Variants in PCED1B observed in about 807,000 individuals in gnomAD.
PCED1B encodes PC-esterase domain-containing protein 1B.
For missense variants in PCED1B, 573 were observed against 573.9 expected (o/e 1.00, Z 0.02); for synonymous variants, 251 against 246.1 (o/e 1.02, Z -0.19).
chr12:47,082,784 A>G (rs1284239562), intron 1 of PCED1B, among the ~76,000 whole-genome samples: 1 of 152,156 alleles, frequency 6.6e-6, no homozygotes, highest in East Asian at 1.9e-4. Context: ...GATTTAGATT[A>G]AACAGAAGAG....
At chr12:47,127,294 C>T (rs1417467587) in intron 2 of PCED1B, among the ~76,000 whole-genome samples, 2 of 151,754 alleles carry the variant, frequency 1.3e-5, no homozygotes, top group Non-Finnish European at 2.9e-5. Context: ...TTCTATTACC[C>T]AGGGGATGTT....
intron 2 of PCED1B, among the ~76,000 whole-genome samples, chr12:47,141,432 GC>G (rs1940588117): frequency 6.6e-6 from 1 of 152,134 alleles, no homozygotes; most frequent in South Asian, 2.1e-4. Flanking sequence ...CTCAGCTACA[GC>G]CCCATTTGGC....
chr12:47,090,340 G>A (rs1372029649), intron 1 of PCED1B, among the ~76,000 whole-genome samples: 4 of 152,184 alleles, frequency 2.6e-5, no homozygotes, highest in African/African-American at 9.7e-5. Flanking sequence ...AGAATGTCAT[G>A]AGATGCAGGC....
At chr12:47,141,322 C>T (rs1377311844) in intron 2 of PCED1B, among the ~76,000 whole-genome samples, 1 of 152,156 alleles carries the variant, frequency 6.6e-6, no homozygotes, top group Non-Finnish European at 1.5e-5. Context: ...CAGCCTAAGA[C>T]CAAAGATGGC....
chr12:47,205,800 C>T (rs915424191), intron 2 of PCED1B: 2 of 152,042 alleles, frequency 1.3e-5, no homozygotes, highest in Admixed American at 6.6e-5. Context: ...ACCATGTAAC[C>T]GCCTAAGGGG....
At chr12:47,119,526 T>C (rs1278394299) in intron 2 of PCED1B, among the ~76,000 whole-genome samples, 1 of 151,474 alleles carries the variant, frequency 6.6e-6, no homozygotes, top group African/African-American at 2.4e-5. Context: ...TGAAACTGCA[T>C]CTCTTAAAAA....
chr12:47,223,349 G>A (rs1226482125), intron 3 of PCED1B, among the ~76,000 whole-genome samples: 1 of 152,088 alleles, frequency 6.6e-6, no homozygotes, highest in East Asian at 1.9e-4. Flanking sequence ...AACATTCCTT[G>A]GCTTTGATCC....
intron 2 of PCED1B, among the ~76,000 whole-genome samples, chr12:47,119,215 C>G (rs544114102): frequency 6.6e-6 from 1 of 152,070 alleles, no homozygotes; most frequent in Non-Finnish European, 1.5e-5. Flanking sequence ...AATATATTTA[C>G]CTCACACCAA....
At chr12:47,080,690 G>A (rs912959164) in intron 1 of PCED1B, among the ~76,000 whole-genome samples, 3 of 152,192 alleles carry the variant, frequency 2.0e-5, no homozygotes, top group African/African-American at 7.2e-5. Context: ...GCTTGGAGCC[G>A]ACCTTCCGGC....
At chr12:47,123,415 G>C (rs928600811) in intron 2 of PCED1B, among the ~76,000 whole-genome samples, 4 of 151,950 alleles carry the variant, frequency 2.6e-5, no homozygotes, top group African/African-American at 9.7e-5. Flanking sequence ...TTCAAACAAA[G>C]GTGCTTAATT....
At chr12:47,137,707 G>C (rs561006382) in intron 2 of PCED1B, among the ~76,000 whole-genome samples, 1 of 138,252 alleles carries the variant, frequency 7.2e-6, no homozygotes, top group African/African-American at 2.7e-5. Context: ...CAGCCTGGGT[G>C]ACAGGGTGAG....
rs570604734 is a variant in PCED1B at position 47,118,896 on chromosome 12, A to G, written c.-526+14701A>G. On this transcript the variant is annotated intron_variant, in intron 2 of 3. Transcript: ENST00000546455. ...CAGTGGTTTGTAGTTGTCCTTGAAG[A>G]GGTCCTTCACATCCCTTGTAAGTTA... 2.0e-5 allele frequency among the ~76,000 whole-genome samples: 3 copies of G among 152,256 alleles called. No homozygotes were observed. The South Asian group carries it at 6.2e-4, about 32-fold the overall frequency.
At chr12:47,128,457 G>A (rs1210591892) in intron 2 of PCED1B, among the ~76,000 whole-genome samples, 1 of 152,062 alleles carries the variant, frequency 6.6e-6, no homozygotes, top group Non-Finnish European at 1.5e-5. Flanking sequence ...GAAGTGTTAA[G>A]GTGTCATGGA....
At chr12:47,229,739 T>C (rs1592323716) in intron 3 of PCED1B, among the ~76,000 whole-genome samples, 1 of 152,298 alleles carries the variant, frequency 6.6e-6, no homozygotes, top group South Asian at 2.1e-4. Context: ...ACTCAGCTTA[T>C]ATGTTTAGAG....
intron 2 of PCED1B, among the ~76,000 whole-genome samples, chr12:47,105,304 A>G (rs1378655601): frequency 1.3e-5 from 2 of 152,144 alleles, no homozygotes; most frequent in East Asian, 1.9e-4. Context: ...AGAACAGGGA[A>G]TCTTCTGACA....
chr12:47,166,600 T>G (rs929950904), intron 2 of PCED1B, among the ~76,000 whole-genome samples: 2 of 152,202 alleles, frequency 1.3e-5, no homozygotes, highest in African/African-American at 4.8e-5. Context: ...TCCAGTCTTA[T>G]GAGAGAATTT....
chr12:47,181,334 T>G (rs2137603618), intron 2 of PCED1B, among the ~76,000 whole-genome samples: 1 of 152,032 alleles, frequency 6.6e-6, no homozygotes, highest in Admixed American at 6.6e-5. Context: ...TTCTAATATA[T>G]ATTAGAAAGA....
At chr12:47,171,709 T>G (rs1941741960) in intron 2 of PCED1B, among the ~76,000 whole-genome samples, 1 of 152,178 alleles carries the variant, frequency 6.6e-6, no homozygotes, top group Non-Finnish European at 1.5e-5. Context: ...ATTCTTGGAT[T>G]GTAGTTCTTT....
At chr12:47,148,753 A>G (rs1940883862) in intron 2 of PCED1B, among the ~76,000 whole-genome samples, 1 of 152,212 alleles carries the variant, frequency 6.6e-6, no homozygotes, top group Non-Finnish European at 1.5e-5. Context: ...TAGTTTTACA[A>G]ATTTATTCAT....
Sources: allele counts gnomAD v4.1 joint callset (sites outside exome capture counted in the v4.1 genomes callset), GRCh38; gene constraint gnomAD v4.1.1; transcripts MANE v1.5; gene names NCBI Gene and HGNC (gene_info 2026-07-23, HGNC 2026-07-21).